Variants in ZNF292 observed in about 807,000 individuals in gnomAD.
ZNF292 encodes the protein zinc finger protein 292.
Under a neutral mutation model 217.9 loss-of-function variants are expected in ZNF292, and 26 were observed. The ratio of observed to expected loss-of-function variants is 0.12; its 90% CI spans 0.09 to 0.17. ZNF292 has a LOEUF of 0.17. Among genes scored for constraint, ZNF292 ranks in the 10% least tolerant of loss-of-function variants. ZNF292 has a pLI of 1.00. For synonymous variants in ZNF292, 1,257 were observed against 1,124.1 expected, an observed-to-expected ratio of 1.12 and a Z score of -2.37; for missense variants, 2,904 against 3,175.2, an observed-to-expected ratio of 0.91 and a Z score of 2.05.
Position 87,256,829 on chromosome 6 carries a change from CATT to C in ZNF292, c.3202_3204del (p.Leu1068del). The C allele has an allele frequency of 6.2e-7, 1 of 1,613,634 alleles. No homozygotes were observed. The highest frequency in any genetic ancestry group is 1.1e-5 in the South Asian group (1 of 91,080). On this transcript the variant is annotated inframe_deletion, in exon 8 of 8. Coordinates refer to ENST00000369577, the MANE Select transcript of ZNF292 (RefSeq NM_015021.3). ...AATCTTTATAATTTACCTCTTAAGA[CATT>C]AGAAAGTATTGCATTTGTTCCACCG...
At chr6:87,218,805 T>C in intron 4 of ZNF292, 74 bp downstream of exon 4, 1 of 1,438,666 alleles carries the variant, frequency 7.0e-7, no homozygotes, top group South Asian at 1.4e-5. Context: ...TGTTTTGATA[T>C]AATTTATCTC....
chr6:87,157,492 G>T (rs911691546), intron 1 of ZNF292, among the ~76,000 whole-genome samples: 1 of 152,146 alleles, frequency 6.6e-6, no homozygotes, highest in Non-Finnish European at 1.5e-5. Flanking sequence ...TTAAAGTCTA[G>T]CTTTGCTGAA....
At chr6:87,210,938 A>T (rs1340170645) in intron 1 of ZNF292, among the ~76,000 whole-genome samples, 1 of 152,170 alleles carries the variant, frequency 6.6e-6, no homozygotes, top group East Asian at 1.9e-4. Flanking sequence ...TTTAAAAGAA[A>T]AGCCAGAAAC....
intron 1 of ZNF292, among the ~76,000 whole-genome samples, chr6:87,177,701 A>G (rs920430672): frequency 7.9e-5 from 12 of 152,182 alleles, no homozygotes; most frequent in African/African-American, 2.4e-4. Flanking sequence ...TAAAATCCCA[A>G]CTTCACCATC....
At chr6:87,194,988 A>G (rs866912513) in intron 1 of ZNF292, among the ~76,000 whole-genome samples, 1 of 152,120 alleles carries the variant, frequency 6.6e-6, no homozygotes, top group African/African-American at 2.4e-5. Context: ...TAAAATCACC[A>G]TTCCCAGTAA....
At chr6:87,163,200 C>G (rs1433666518) in intron 1 of ZNF292, among the ~76,000 whole-genome samples, 1 of 152,144 alleles carries the variant, frequency 6.6e-6, no homozygotes, top group Non-Finnish European at 1.5e-5. Flanking sequence ...GCCTGTAATC[C>G]TAGCACTTTG....
At chr6:87,243,131 A>C (rs1177828209) in intron 5 of ZNF292, among the ~76,000 whole-genome samples, 1 of 151,952 alleles carries the variant, frequency 6.6e-6, no homozygotes, top group Non-Finnish European at 1.5e-5. Flanking sequence ...TTTTTTCATG[A>C]TCAGATCTGA....
At chr6:87,209,544 G>C (rs948222127) in intron 1 of ZNF292, among the ~76,000 whole-genome samples, 2 of 152,184 alleles carry the variant, frequency 1.3e-5, no homozygotes, top group African/African-American at 4.8e-5. Flanking sequence ...CCACCTTTCA[G>C]TCGTGTACAG....
rs571310422 is a variant in ZNF292 at position 87,262,497 on chromosome 6, T to C, written c.*696T>C. The C allele has an allele frequency of 2.0e-5, 3 of 149,428 alleles. No homozygotes were observed. The East Asian group carries it at 5.8e-4, about 29-fold the overall frequency. 9.3% of individuals were successfully genotyped at this position (149,428 alleles called of 1,614,324 possible). A position where few individuals can be genotyped will look rare whatever the true frequency, so the allele number is the denominator to read the frequency against. On this transcript the variant is annotated 3_prime_UTR_variant, in exon 8 of 8. Transcript: ENST00000369577. ...AATTAAAGCAGATTCTCTAGCAGTT[T>C]CCTATAGCTACAGTTTTTTTTTTTC...
intron 1 of ZNF292, among the ~76,000 whole-genome samples, chr6:87,194,783 AT>A (rs1771908987): frequency 6.6e-6 from 1 of 152,218 alleles, no homozygotes; most frequent in Non-Finnish European, 1.5e-5. Context: ...CAGAATATAT[AT>A]GCAAAAGTTT....
At chr6:87,199,061 A>G (rs774745080) in intron 1 of ZNF292, among the ~76,000 whole-genome samples, 2 of 152,190 alleles carry the variant, frequency 1.3e-5, no homozygotes, top group Non-Finnish European at 2.9e-5. Context: ...TAGTAAATTT[A>G]TGTTTAACTT....
At chr6:87,182,472 A>G (rs1244252324) in intron 1 of ZNF292, among the ~76,000 whole-genome samples, 2 of 152,200 alleles carry the variant, frequency 1.3e-5, no homozygotes, top group Admixed American at 6.5e-5. Context: ...GGTAAAAGAA[A>G]AGCACTCCTA....
intron 7 of ZNF292, among the ~76,000 whole-genome samples, chr6:87,253,139 T>C (rs1379475479): frequency 6.6e-6 from 1 of 151,356 alleles, no homozygotes; most frequent in Non-Finnish European, 1.5e-5. Context: ...TGTCAAACTC[T>C]TGGCCTCAAT....
chr6:87,259,618 G>A lies in ZNF292; in HGVS notation c.5989G>A (p.Val1997Met), dbSNP rs1268852989. The change falls in exon 8 of 8, where the codon GTG becomes ATG. Residue 1997 changes from valine (V) to methionine (M), a missense_variant. Coordinates refer to ENST00000369577, the MANE Select transcript of ZNF292 (RefSeq NM_015021.3). ...PYGRKSQSEN[V>M]PASRSTQVKK... Reference sequence around the variant, plus strand: ...TGGAAGAAAATCTCAGAGTGAAAATGTGCCGGCCTCACGAAGTACACAAGT... The same window carrying A: ...TGGAAGAAAATCTCAGAGTGAAAATATGCCGGCCTCACGAAGTACACAAGT... 1 of 1,581,432 alleles carries A rather than the reference G, an allele frequency of 6.3e-7. No individual in the cohort carries two copies. The highest frequency in any genetic ancestry group is 2.3e-5 in the East Asian group (1 of 43,568).
intron 7 of ZNF292, 52 bp downstream of exon 7, chr6:87,245,696 TAAA>T (rs950238352): frequency 1.7e-6 from 2 of 1,157,808 alleles, no homozygotes; most frequent in African/African-American, 3.2e-5. Flanking sequence ...TTATCATTAA[TAAA>T]AGACTATAAC....
rs760117258 is a variant in ZNF292, at chr6:87,256,138, A to G, written c.2509A>G (p.Lys837Glu). Residue 837 changes from lysine (K) to glutamate (E), a missense_variant, in exon 8 of 8, where the codon AAA becomes GAA. By Grantham distance (56) the Lys-to-Glu change is moderately conservative. Coordinates refer to ENST00000369577, the MANE Select transcript of ZNF292 (RefSeq NM_015021.3). The stretch of plus-strand genomic sequence containing the variant: ...GGATGATCACAGTACTCCTCCTGAA[A>G]AAGTGCTGCCTCCTGAAGCCCAACT... Reference protein sequence around the residue: ...HLDDHSTPPEKVLPPEAQLNS... With the variant: ...HLDDHSTPPEEVLPPEAQLNS... The G allele has an allele frequency of 6.2e-7, 1 of 1,613,768 alleles. No homozygotes were observed. The highest frequency in any genetic ancestry group is 1.1e-5 in the South Asian group (1 of 91,044).
rs958524732 is a variant in ZNF292, at chr6:87,265,797, T to G, written c.*3996T>G. The stretch of plus-strand genomic sequence containing the variant: ...GTTTGCAAATGGTGATTATTCTGAT[T>G]GATCAATTTATATATCCCAATGGGT... On this transcript the variant is annotated 3_prime_UTR_variant, in exon 8 of 8. Transcript: ENST00000369577. 5.9e-5 allele frequency among the ~76,000 whole-genome samples: 9 copies of G among 152,232 alleles called. No individual in the cohort carries two copies. The highest frequency in any genetic ancestry group is 1.7e-4 in the African/African-American group (7 of 41,458).
intron 1 of ZNF292, among the ~76,000 whole-genome samples, chr6:87,163,880 A>G (rs1770830545): frequency 6.6e-6 from 1 of 152,218 alleles, no homozygotes; most frequent in Non-Finnish European, 1.5e-5. Context: ...AGGATAGATT[A>G]AAACCAGACT....
intron 1 of ZNF292, among the ~76,000 whole-genome samples, chr6:87,162,004 C>T (rs1001551831): frequency 1.3e-5 from 2 of 152,124 alleles, no homozygotes; most frequent in Non-Finnish European, 2.9e-5. Flanking sequence ...TTTGGCTTTC[C>T]CTATTATAGT....
Sources: allele counts gnomAD v4.1 joint callset (sites outside exome capture counted in the v4.1 genomes callset), GRCh38; gene constraint gnomAD v4.1.1; transcripts MANE v1.5; gene names NCBI Gene and HGNC (gene_info 2026-07-23, HGNC 2026-07-21).